Variants in SCMH1 observed in about 807,000 individuals in gnomAD.
SCMH1 encodes polycomb protein SCMH1.
Under a neutral mutation model 70.8 loss-of-function variants are expected in SCMH1, and 37 were observed. That is an observed-to-expected ratio of 0.52 (90% CI 0.40 to 0.69). The LOEUF (loss-of-function observed/expected upper bound fraction) is 0.69. Ranked by LOEUF, SCMH1 falls within the 30% of genes least tolerant of loss-of-function variation. The pLI is 0.00. For missense variants in SCMH1, 607 were observed against 827.3 expected (o/e 0.73, Z 3.27); for synonymous variants, 292 against 307.4 (o/e 0.95, Z 0.52).
At chr1:41,205,376 G>A (rs759876735) in intron 1 of SCMH1, among the ~76,000 whole-genome samples, 1 of 152,224 alleles carries the variant, frequency 6.6e-6, no homozygotes, top group Non-Finnish European at 1.5e-5. Flanking sequence ...GCAACTGGCA[G>A]ACCAGGAGAT....
chr1:41,162,606 C>T (rs567553273), intron 2 of SCMH1, among the ~76,000 whole-genome samples: 2 of 152,298 alleles, frequency 1.3e-5, no homozygotes, highest in Admixed American at 1.3e-4. Flanking sequence ...TCTAGGGCCT[C>T]CTCTTTGCTG....
At chr1:41,175,338 C>T (rs1647045301) in intron 2 of SCMH1, among the ~76,000 whole-genome samples, 1 of 152,208 alleles carries the variant, frequency 6.6e-6, no homozygotes, top group Non-Finnish European at 1.5e-5. Context: ...GTACCCTCTG[C>T]CTTCCCCACT....
At chr1:41,194,350 T>C (rs1354001680) in intron 1 of SCMH1, among the ~76,000 whole-genome samples, 1 of 152,206 alleles carries the variant, frequency 6.6e-6, no homozygotes, top group Non-Finnish European at 1.5e-5. Context: ...TTTTGCATGG[T>C]TCAGCTATAT....
At chr1:41,090,992 T>C (rs1663287397) in intron 8 of SCMH1, among the ~76,000 whole-genome samples, 1 of 142,174 alleles carries the variant, frequency 7.0e-6, no homozygotes, top group Non-Finnish European at 1.5e-5. Flanking sequence ...TGAGCCAAGA[T>C]AGCACCACTG....
intron 2 of SCMH1, among the ~76,000 whole-genome samples, chr1:41,163,600 A>G (rs544936826): frequency 6.6e-6 from 1 of 152,354 alleles, no homozygotes; most frequent in East Asian, 1.9e-4. Flanking sequence ...GAAGGTTTGG[A>G]CACAGGTACA....
chr1:41,177,867 A>C (rs1267137109), intron 2 of SCMH1, among the ~76,000 whole-genome samples: 1 of 152,204 alleles, frequency 6.6e-6, no homozygotes, highest in Non-Finnish European at 1.5e-5. Context: ...GCCAACATTC[A>C]AATTCAGGAA....
chr1:41,180,626 A>G (rs1648468719), intron 2 of SCMH1, among the ~76,000 whole-genome samples: 2 of 152,208 alleles, frequency 1.3e-5, no homozygotes, highest in African/African-American at 4.8e-5. Flanking sequence ...AATACCTAGG[A>G]ATCCAACTTA....
chr1:41,090,365 A>G (rs144653798), intron 8 of SCMH1, among the ~76,000 whole-genome samples: 1 of 152,328 alleles, frequency 6.6e-6, no homozygotes, highest in African/African-American at 2.4e-5. Context: ...ATCTAACAGA[A>G]GGCAGTTAGA....
chr1:41,094,398 G>A (rs190160385), intron 8 of SCMH1, among the ~76,000 whole-genome samples: 2 of 152,246 alleles, frequency 1.3e-5, no homozygotes, highest in East Asian at 3.9e-4. Flanking sequence ...AAGGCAAGTA[G>A]AGTTAACATT....
In SCMH1 at chr1:41,037,412, C is replaced by T; in HGVS notation, c.1628G>A (p.Cys543Tyr). The stretch of plus-strand genomic sequence containing the variant: ...TGAGGCAGTGCTTGGTGGGAGGCCA[C>T]AGGATGAAAGCAAGGGCCGGTGCCT... The change falls in exon 13 of 15, where the codon TGT (cysteine) becomes TAT (tyrosine). Residue 543 changes from cysteine (C) to tyrosine (Y), a missense_variant. Coordinates refer to ENST00000337495, the Ensembl canonical transcript of SCMH1. 1.2e-6 allele frequency: 2 copies of T among 1,614,186 alleles called. No individual in the cohort carries two copies. Among genetic ancestry groups the T allele is most frequent in the Non-Finnish European group, 1.7e-6 (2 of 1,180,028 alleles).
rs577999308 is a variant in SCMH1, at chr1:41,187,037, C to A, written c.-117-787G>T. ...AGAACTTTCACTCTTTTATTACAGT[C>A]GGAGTGGGAGTAAAGTAGAACAAAA... On this transcript the variant is annotated intron_variant, in intron 1 of 14. Transcript: ENST00000337495. Among the ~76,000 whole-genome samples the A allele has an allele frequency of 2.2e-4, 33 of 151,974 alleles. 1 individual carries two copies. Among genetic ancestry groups the A allele is most frequent in the Non-Finnish European group, 8.8e-5 (6 of 67,992 alleles).
At chr1:41,075,961 GA>G (rs1198043096) in intron 8 of SCMH1, among the ~76,000 whole-genome samples, 1 of 152,188 alleles carries the variant, frequency 6.6e-6, no homozygotes, top group African/African-American at 2.4e-5. Context: ...TTGCAGTGAG[GA>G]GTAGAGGAAC....
At chr1:41,117,563 TCA>T (rs1670817633) in intron 6 of SCMH1, among the ~76,000 whole-genome samples, 2 of 151,424 alleles carry the variant, frequency 1.3e-5, no homozygotes, top group African/African-American at 4.9e-5. Flanking sequence ...GGGCCTGACG[TCA>T]GTCAGGCCCG....
chr1:41,191,298 G>A (rs576079692), intron 1 of SCMH1, among the ~76,000 whole-genome samples: 1 of 152,292 alleles, frequency 6.6e-6, no homozygotes, highest in Non-Finnish European at 1.5e-5. Flanking sequence ...AACAATGTGT[G>A]TCTGCTTTAT....
chr1:41,057,346 A>G (rs1387975688), intron 10 of SCMH1, among the ~76,000 whole-genome samples: 1 of 151,336 alleles, frequency 6.6e-6, no homozygotes, highest in African/African-American at 2.4e-5. Flanking sequence ...GCTCCCTGCA[A>G]CCTCCGCCTC....
intron 8 of SCMH1, among the ~76,000 whole-genome samples, chr1:41,109,810 C>T (rs1195499379): frequency 1.3e-5 from 2 of 152,076 alleles, no homozygotes; most frequent in Non-Finnish European, 2.9e-5. Flanking sequence ...AGGTTTGCAG[C>T]CAAAAAGGAA....
At chr1:41,045,065 T>C (rs905437861) in intron 12 of SCMH1, among the ~76,000 whole-genome samples, 7 of 152,232 alleles carry the variant, frequency 4.6e-5, no homozygotes, top group African/African-American at 1.7e-4. Context: ...AACTTTCACG[T>C]CTGAAATGTA....
At chr1:41,181,055 C>T (rs1448007128) in intron 2 of SCMH1, among the ~76,000 whole-genome samples, 2 of 152,158 alleles carry the variant, frequency 1.3e-5, no homozygotes, top group South Asian at 2.1e-4. Flanking sequence ...ATATCTACAA[C>T]CATCTGATCT....
At chr1:41,208,462 G>T (rs1656179126) in intron 1 of SCMH1, among the ~76,000 whole-genome samples, 2 of 150,382 alleles carry the variant, frequency 1.3e-5, no homozygotes, top group Admixed American at 1.3e-4. Context: ...AAATAAAAGT[G>T]ACCACATATT....
Sources: gnomAD v4.1 joint callset for allele counts (sites outside exome capture counted in the v4.1 genomes callset) on GRCh38, gnomAD v4.1.1 for gene constraint, MANE v1.5 for transcripts, NCBI Gene and HGNC (gene_info 2026-07-23, HGNC 2026-07-21) for gene names.